Variants in ATRNL1 observed in about 807,000 individuals in gnomAD.
ATRNL1 encodes attractin like 1.
ATRNL1 carries 95 observed loss-of-function variants against 182.7 expected under a neutral mutation model. The observed-to-expected ratio is 0.52, with a 90% CI of 0.44 to 0.62. ATRNL1 has a LOEUF of 0.62. Among genes scored for constraint, ATRNL1 ranks in the 20% least tolerant of loss-of-function variants. The pLI is 0.00. For synonymous variants in ATRNL1, 576 were observed against 568.3 expected, an observed-to-expected ratio of 1.01 and a Z score of -0.19; for missense variants, 1,471 against 1,679.5, an observed-to-expected ratio of 0.88 and a Z score of 2.17.
intron 21 of ATRNL1, among the ~76,000 whole-genome samples, chr10:115,435,029 CTTTTT>C (rs34902658): frequency 7.6e-6 from 1 of 130,954 alleles, no homozygotes. Flanking sequence ...AAACCTGGGA[CTTTTT>C]TTTTTTTTTT....
intron 19 of ATRNL1, among the ~76,000 whole-genome samples, chr10:115,347,441 G>A (rs1554940093): frequency 6.6e-6 from 1 of 152,026 alleles, no homozygotes; most frequent in East Asian, 1.9e-4. Flanking sequence ...ATGTAGTAAT[G>A]TCTAAAATCA....
intron 26 of ATRNL1, among the ~76,000 whole-genome samples, chr10:115,681,377 A>G (rs1490042418): frequency 6.6e-6 from 1 of 152,096 alleles, no homozygotes; most frequent in Non-Finnish European, 1.5e-5. Context: ...TATCTCATTT[A>G]TTTCTCATAA....
At chr10:115,221,599 G>T (rs904340317) in intron 9 of ATRNL1, among the ~76,000 whole-genome samples, 3 of 152,152 alleles carry the variant, frequency 2.0e-5, no homozygotes, top group Non-Finnish European at 4.4e-5. Flanking sequence ...ATACAAGACA[G>T]GCATTTTGTG....
At chr10:115,570,063 G>C (rs1854301064) in intron 26 of ATRNL1, among the ~76,000 whole-genome samples, 1 of 152,192 alleles carries the variant, frequency 6.6e-6, no homozygotes, top group African/African-American at 2.4e-5. Context: ...CCATGTTCAA[G>C]CAATTCTTCT....
intron 19 of ATRNL1, among the ~76,000 whole-genome samples, chr10:115,393,400 G>C (rs919798594): frequency 6.6e-6 from 1 of 152,000 alleles, no homozygotes; most frequent in African/African-American, 2.4e-5. Context: ...AGTTACTATT[G>C]ATACTGGAAG....
At chr10:115,152,290 A>G (rs1406450275) in intron 5 of ATRNL1, among the ~76,000 whole-genome samples, 3 of 152,190 alleles carry the variant, frequency 2.0e-5, no homozygotes, top group Non-Finnish European at 2.9e-5. Context: ...CATTGAATCT[A>G]TAAATTACCT....
At chr10:115,184,349 A>ATT (rs1478500182) in intron 8 of ATRNL1, among the ~76,000 whole-genome samples, 3 of 150,084 alleles carry the variant, frequency 2.0e-5, no homozygotes, top group East Asian at 3.9e-4. Flanking sequence ...CCAGTGCAAG[A>ATT]TTATATATAT....
chr10:115,387,980 A>G (rs1554953130), intron 19 of ATRNL1, among the ~76,000 whole-genome samples: 2 of 152,160 alleles, frequency 1.3e-5, no homozygotes, highest in South Asian at 2.1e-4. Flanking sequence ...TTATTGTGTG[A>G]TTAAGTGTTG....
In ATRNL1 at chr10:115,129,343, A is replaced by T; in HGVS notation, c.637A>T (p.Asn213Tyr). 6.2e-7 allele frequency: 1 copy of T among 1,612,652 alleles called. No individual in the cohort carries two copies. Among genetic ancestry groups the T allele is most frequent in the East Asian group, 2.2e-5 (1 of 44,870 alleles). Reference sequence around the variant, plus strand: ...ATTTTACAGAATCAATTCTTGTCCTAACAATTGCTCTGGTCATGGGAAGTG... The same window carrying T: ...ATTTTACAGAATCAATTCTTGTCCTTACAATTGCTCTGGTCATGGGAAGTG... ...NIFYSINSCP[N>Y]NCSGHGKCTT... Residue 213 changes from asparagine (N) to tyrosine (Y), a missense_variant, in exon 5 of 29, where the codon AAC (asparagine) becomes TAC (tyrosine). By Grantham distance (143) the Asn-to-Tyr change is moderately radical. Around this residue, in one of 3 missense-constraint regions of ATRNL1, gnomAD observed 1,031 missense variants for 1,156.0 expected, o/e 0.89. Coordinates refer to ENST00000355044, the MANE Select transcript of ATRNL1 (RefSeq NM_207303.4).
At chr10:115,919,355 G>A (rs1042484926) in intron 28 of ATRNL1, among the ~76,000 whole-genome samples, 6 of 152,278 alleles carry the variant, frequency 3.9e-5, no homozygotes, top group African/African-American at 9.6e-5. Flanking sequence ...CACTCAGCCC[G>A]GAGGAAGTGC....
chr10:115,101,078 A>G (rs1843747989), intron 1 of ATRNL1, among the ~76,000 whole-genome samples: 2 of 152,274 alleles, frequency 1.3e-5, no homozygotes, highest in South Asian at 2.1e-4. Flanking sequence ...TTATCTTGCA[A>G]TCTTGCCAAA....
chr10:115,399,677 A>G (rs766013754), intron 20 of ATRNL1, among the ~76,000 whole-genome samples: 1 of 151,408 alleles, frequency 6.6e-6, no homozygotes, highest in Non-Finnish European at 1.5e-5. Context: ...CCTTCATTTC[A>G]TCTATGATTT....
chr10:115,687,729 G>C (rs1321083302), intron 26 of ATRNL1, among the ~76,000 whole-genome samples: 2 of 151,778 alleles, frequency 1.3e-5, no homozygotes, highest in Admixed American at 6.6e-5. Flanking sequence ...AGTGTTTGTT[G>C]CAGGCAAAAA....
At position 115,812,354 on chromosome 10, in the gene ATRNL1, T is replaced by C. The variant is rs199862895; in HGVS notation, c.3904-35523T>C. ...TTCTTGTTTGGATCTTGTTGTCCTA[T>C]CCCTGTAGTCTCATACATATTTCAC... On this transcript the variant is annotated intron_variant, in intron 27 of 28. Coordinates refer to ENST00000355044, the MANE Select transcript of ATRNL1 (RefSeq NM_207303.4). Among the ~76,000 whole-genome samples, 7 of 152,188 alleles carry C rather than the reference T, an allele frequency of 4.6e-5. No homozygotes were observed. In the East Asian group the frequency reaches 1.3e-3, roughly 29 times the overall value.
At chr10:115,356,715 T>C (rs1197066261) in intron 19 of ATRNL1, among the ~76,000 whole-genome samples, 2 of 151,952 alleles carry the variant, frequency 1.3e-5, no homozygotes, top group Admixed American at 1.3e-4. Context: ...TAATTTTTAT[T>C]TGTACAAAGT....
chr10:115,479,381 G>A (rs1592715765), intron 24 of ATRNL1, among the ~76,000 whole-genome samples: 1 of 151,490 alleles, frequency 6.6e-6, no homozygotes, highest in African/African-American at 2.4e-5. Context: ...TATTTGTACA[G>A]AATTAATCAG....
chr10:115,409,646 A>G (rs1554959366), intron 20 of ATRNL1, among the ~76,000 whole-genome samples: 1 of 152,142 alleles, frequency 6.6e-6, no homozygotes, highest in Non-Finnish European at 1.5e-5. Context: ...GTCTTGTTTT[A>G]GTTCTTACTG....
chr10:115,942,274 A>C (rs1280616141), intron 28 of ATRNL1, among the ~76,000 whole-genome samples: 1 of 152,212 alleles, frequency 6.6e-6, no homozygotes, highest in Non-Finnish European at 1.5e-5. Flanking sequence ...TAAACATCTT[A>C]AACATGGAAC....
At position 115,276,765 on chromosome 10, in the gene ATRNL1, G is replaced by C. The variant is rs58506394; in HGVS notation, c.2101-4590G>C. On this transcript the variant is annotated intron_variant, in intron 13 of 28. Transcript: ENST00000355044. ...TGGTTACTATTCATAAGCGTGTCTGGTTCATTAGGCCAAAAATGCCAGCTA... is the reference window on the plus strand; with the variant it reads ...TGGTTACTATTCATAAGCGTGTCTGCTTCATTAGGCCAAAAATGCCAGCTA... 3.3e-3 allele frequency among the ~76,000 whole-genome samples: 499 copies of C among 152,208 alleles called. 3 individuals carry two copies. Among genetic ancestry groups the C allele is most frequent in the African/African-American group, 0.012 (478 of 41,560 alleles).
Sources: gnomAD v4.1 joint callset for allele counts (sites outside exome capture counted in the v4.1 genomes callset) on GRCh38, gnomAD v4.1.1 for gene constraint, gnomAD v4.1.1 regional missense constraint, MANE v1.5 for transcripts, NCBI Gene and HGNC (gene_info 2026-07-23, HGNC 2026-07-21) for gene names.